Variants in MID1 observed in about 807,000 individuals in gnomAD.
The protein encoded by MID1 is midline 1, also known as E3 ubiquitin-protein ligase Midline-1.
A neutral mutation model predicts 40.4 loss-of-function variants in MID1; 7 were observed. The ratio of observed to expected loss-of-function variants is 0.17; its 90% CI spans 0.10 to 0.33. The LOEUF (loss-of-function observed/expected upper bound fraction) is 0.33, where lower values mean the gene tolerates loss of function less well. Among genes scored for constraint, MID1 ranks in the 10% least tolerant of loss-of-function variants. The probability of loss-of-function intolerance (pLI) is 1.00; values close to 1 mark genes in which losing one functional copy is unlikely to be tolerated. For missense variants in MID1, 367 were observed against 558.5 expected (o/e 0.66, Z 3.46); for synonymous variants, 229 against 221.2 (o/e 1.04, Z -0.31).
chrX:10,679,147 T>C (rs927521045), intron 1 of MID1, among the ~76,000 whole-genome samples: 2 of 112,202 alleles, frequency 1.8e-5, no homozygotes, highest in African/African-American at 6.5e-5. Flanking sequence ...CATATCTATA[T>C]AGTGAAGTAC....
rs770003679 is a variant in MID1 at position 10,712,825 on chromosome X, T to C, written c.-186-92406A>G. Among the ~76,000 whole-genome samples the C allele has an allele frequency of 1.7e-4, 19 of 111,400 alleles. No individual in the cohort carries two copies. The South Asian group carries it at 6.1e-3, about 36-fold the overall frequency. On this transcript the variant is annotated intron_variant, in intron 1 of 10. Transcript: ENST00000380785. ...TATGTTCACTATGCTTTATTTATTATTTCTTTTCTTTCTTTCTTTTTTATT... is the reference window on the plus strand; with the variant it reads ...TATGTTCACTATGCTTTATTTATTACTTCTTTTCTTTCTTTCTTTTTTATT...
At position 10,642,816 on chromosome X, in the gene MID1, A is replaced by T. The variant is rs180801859; in HGVS notation, c.-186-22397T>A. On this transcript the variant is annotated intron_variant, in intron 1 of 10. Coordinates refer to the MID1 transcript ENST00000380785. ...GCATGATACTGGTACCAAAACAGAG[A>T]TATAGACCAATGGAACAGAACAGAG... Among the ~76,000 whole-genome samples, 378 of 110,498 alleles carry T rather than the reference A, an allele frequency of 3.4e-3. 5 individuals carry two copies. Among genetic ancestry groups the T allele is most frequent in the African/African-American group, 0.012 (361 of 29,988 alleles).
chrX:10,700,615 G>A (rs1050365303), intron 1 of MID1, among the ~76,000 whole-genome samples: 1 of 112,273 alleles, frequency 8.9e-6, no homozygotes, highest in African/African-American at 3.2e-5. Flanking sequence ...TTACATTTAG[G>A]AGAGCATGAC....
intron 1 of MID1, among the ~76,000 whole-genome samples, chrX:10,777,224 C>T (rs2147130159): frequency 9.0e-6 from 1 of 111,338 alleles, no homozygotes; most frequent in African/African-American, 3.3e-5. Context: ...TTTTTTGAGA[C>T]GAGTCTCTCT....
intron 5 of MID1, among the ~76,000 whole-genome samples, chrX:10,476,861 G>A (rs970539941): frequency 8.9e-6 from 1 of 111,829 alleles, no homozygotes; most frequent in Non-Finnish European, 1.9e-5. Flanking sequence ...TGATGGATAC[G>A]GAGATGGTTG....
At chrX:10,692,478 G>A (rs779592980) in intron 1 of MID1, among the ~76,000 whole-genome samples, 2 of 111,218 alleles carry the variant, frequency 1.8e-5, no homozygotes, top group South Asian at 3.8e-4. Context: ...TTAGCCAGGT[G>A]TGGTGGCGGG....
chrX:10,485,882 T>C, intron 4 of MID1, among the ~76,000 whole-genome samples: 1 of 111,432 alleles, frequency 9.0e-6, no homozygotes, highest in East Asian at 2.8e-4. Flanking sequence ...ACTTTTAAGA[T>C]TTAGTGTACA....
intron 1 of MID1, among the ~76,000 whole-genome samples, chrX:10,577,177 C>T (rs770501258): frequency 5.4e-5 from 6 of 111,939 alleles, no homozygotes; most frequent in Admixed American, 1.9e-4. Context: ...ACTCTCATTC[C>T]TTACAGGGAC....
chrX:10,509,178 G>A (rs1283723978), intron 3 of MID1, among the ~76,000 whole-genome samples: 2 of 111,557 alleles, frequency 1.8e-5, no homozygotes, highest in Non-Finnish European at 3.8e-5. Flanking sequence ...ATCTGATCTG[G>A]AAGAGAAAAG....
intron 1 of MID1, among the ~76,000 whole-genome samples, chrX:10,592,274 TAAA>T (rs144661774): frequency 0.029 from 812 of 28,278 alleles, 6 homozygotes; most frequent in East Asian, 0.059. Flanking sequence ...GGGACTGCGT[TAAA>T]AAAAAAAAAA....
chrX:10,812,296 G>A (rs897929301), intron 1 of MID1, among the ~76,000 whole-genome samples: 1 of 111,123 alleles, frequency 9.0e-6, no homozygotes, highest in Middle Eastern at 4.2e-3. Flanking sequence ...AATATGTATT[G>A]GCTCATTACA....
chrX:10,790,348 T>C (rs1345834159), intron 1 of MID1, among the ~76,000 whole-genome samples: 1 of 109,342 alleles, frequency 9.1e-6, no homozygotes, highest in Non-Finnish European at 1.9e-5. Context: ...GGGGTCTCAC[T>C]ATGTTGCCCA....
At chrX:10,675,260 C>G (rs2043014958) in intron 1 of MID1, among the ~76,000 whole-genome samples, 1 of 112,254 alleles carries the variant, frequency 8.9e-6, no homozygotes, top group Non-Finnish European at 1.9e-5. Context: ...CATCCATCAT[C>G]AGAACTTTGC....
chrX:10,638,636 C>G (rs1393023361), intron 1 of MID1, among the ~76,000 whole-genome samples: 4 of 111,995 alleles, frequency 3.6e-5, no homozygotes, highest in Non-Finnish European at 7.5e-5. Flanking sequence ...ATGTCCCTGT[C>G]TGACAGCTTT....
At chrX:10,635,808 A>T (rs1270029503) in intron 1 of MID1, among the ~76,000 whole-genome samples, 2 of 112,135 alleles carry the variant, frequency 1.8e-5, no homozygotes, top group Non-Finnish European at 3.8e-5. Flanking sequence ...TGGTGTATGT[A>T]ACAATAACAT....
intron 7 of MID1, chrX:10,469,199 G>A (rs1336291120): frequency 3.7e-6 from 1 of 270,135 alleles, no homozygotes; most frequent in Non-Finnish European, 5.2e-6. Context: ...AGCCTCCTGA[G>A]TAGTTGGGAC....
rs761155984 is a variant in MID1 at position 10,564,590 on chromosome X, T to G, written c.660+2298A>C. 2.7e-5 allele frequency among the ~76,000 whole-genome samples: 3 copies of G among 111,872 alleles called. No individual in the cohort carries two copies. The East Asian group carries it at 8.4e-4, about 31-fold the overall frequency. ...AATTGTCAGGCCCTCCATGTGACAG[T>G]AGAACAACCGATAGGCCACTGGCTC... On this transcript the variant is annotated intron_variant, in intron 2 of 9. Transcript: ENST00000317552.
At chrX:10,689,368 C>A (rs1260641947) in intron 1 of MID1, among the ~76,000 whole-genome samples, 1 of 110,634 alleles carries the variant, frequency 9.0e-6, no homozygotes, top group Non-Finnish European at 1.9e-5. Flanking sequence ...ACTTTAAAAT[C>A]ATCAGATCTC....
chrX:10,810,114 T>C (rs2044086459), intron 1 of MID1, among the ~76,000 whole-genome samples: 1 of 111,475 alleles, frequency 9.0e-6, no homozygotes, highest in Admixed American at 9.5e-5. Flanking sequence ...TAGGTACTTC[T>C]GGAAGTTTCT....
Sources: allele counts gnomAD v4.1 joint callset (sites outside exome capture counted in the v4.1 genomes callset), GRCh38; gene constraint gnomAD v4.1.1; transcripts MANE v1.5; gene names NCBI Gene and HGNC (gene_info 2026-07-23, HGNC 2026-07-21).